Variants in IQCK observed in about 807,000 individuals in gnomAD.
The protein encoded by IQCK is IQ domain-containing protein K.
IQCK carries 29 observed loss-of-function variants against 28.1 expected under a neutral mutation model. That is an observed-to-expected ratio of 1.03 (90% CI 0.77 to 1.41). IQCK has a LOEUF of 1.41. IQCK is among the 40% of genes most tolerant of loss of function. The pLI is 0.00. For missense variants in IQCK, 359 were observed against 314.7 expected, an observed-to-expected ratio of 1.14 and a Z score of -1.07; for synonymous variants, 113 against 115.1, an observed-to-expected ratio of 0.98 and a Z score of 0.12.
At chr16:19,805,538 G>A (rs1350770928) in intron 7 of IQCK, among the ~76,000 whole-genome samples, 1 of 152,138 alleles carries the variant, frequency 6.6e-6, no homozygotes, top group African/African-American at 2.4e-5. Context: ...ATTCTTTCAG[G>A]AGACTGTAAA....
intron 3 of IQCK, among the ~76,000 whole-genome samples, chr16:19,735,013 A>G (rs1977966831): frequency 6.6e-6 from 1 of 151,864 alleles, no homozygotes. Flanking sequence ...TCTGACTCCC[A>G]ATTCCTCTCT....
intron 6 of IQCK, among the ~76,000 whole-genome samples, chr16:19,785,155 G>A (rs558866590): frequency 2.0e-5 from 3 of 152,326 alleles, no homozygotes; most frequent in African/African-American, 7.2e-5. Flanking sequence ...GCCCCAAGGT[G>A]CATTTGAGCA....
downstream of IQCK, among the ~76,000 whole-genome samples, chr16:19,828,231 C>CTTTTTTTTTTT (rs749049124): frequency 1.9e-5 from 2 of 107,252 alleles, no homozygotes; most frequent in Non-Finnish European, 3.7e-5. Flanking sequence ...TCTTTCTTTT[C>CTTTTTTTTTTT]TTTTTTTTTT....
chr16:19,802,924 A>AAAC (rs1249258792), intron 7 of IQCK, among the ~76,000 whole-genome samples: 1 of 152,196 alleles, frequency 6.6e-6, no homozygotes, highest in African/African-American at 2.4e-5. Flanking sequence ...GCTGAGGAAT[A>AAAC]AACACATACG....
chr16:19,774,706 G>A (rs1003435468), intron 6 of IQCK, among the ~76,000 whole-genome samples: 1 of 152,106 alleles, frequency 6.6e-6, no homozygotes, highest in African/African-American at 2.4e-5. Context: ...TAAAATTATG[G>A]GGCAGGTATA....
downstream of IQCK, among the ~76,000 whole-genome samples, chr16:19,829,034 G>A (rs994503157): frequency 7.2e-6 from 1 of 138,328 alleles, no homozygotes; most frequent in Non-Finnish European, 1.5e-5. Context: ...TGGAAACACA[G>A]AGATGCTAAA....
chr16:19,768,004 GT>G (rs1322646377), intron 6 of IQCK, among the ~76,000 whole-genome samples: 2 of 136,732 alleles, frequency 1.5e-5, no homozygotes, highest in African/African-American at 2.7e-5. Context: ...CCTGAACATT[GT>G]TTTTTTTTGC....
intron 2 of IQCK, among the ~76,000 whole-genome samples, chr16:19,731,218 G>A (rs1359644786): frequency 6.6e-6 from 1 of 152,220 alleles, no homozygotes; most frequent in Non-Finnish European, 1.5e-5. Context: ...GCTAAGGAGA[G>A]AGGGCTAAGG....
At chr16:19,763,331 C>T (rs998707061) in intron 4 of IQCK, among the ~76,000 whole-genome samples, 1 of 152,102 alleles carries the variant, frequency 6.6e-6, no homozygotes, top group Non-Finnish European at 1.5e-5. Context: ...TCCTCCTCAT[C>T]TTCAGGTTTA....
At chr16:19,780,969 G>A (rs573610994) in intron 6 of IQCK, among the ~76,000 whole-genome samples, 1 of 152,208 alleles carries the variant, frequency 6.6e-6, no homozygotes, top group South Asian at 2.1e-4. Context: ...ATTGTGAGAA[G>A]GAATCCAAAC....
At chr16:19,773,651 A>G (rs1232499293) in intron 6 of IQCK, among the ~76,000 whole-genome samples, 1 of 152,198 alleles carries the variant, frequency 6.6e-6, no homozygotes, top group African/African-American at 2.4e-5. Context: ...ATATGAATGA[A>G]TGGGTGTGGC....
rs1009367979 is a variant in IQCK, at chr16:19,760,316, C to T, written c.475-3532C>T. 2.0e-5 allele frequency among the ~76,000 whole-genome samples: 3 copies of T among 152,136 alleles called. No homozygotes were observed. The South Asian group carries it at 6.2e-4, about 32-fold the overall frequency. On this transcript the variant is annotated intron_variant, in intron 4 of 7. Coordinates refer to ENST00000564186, the Ensembl canonical transcript of IQCK. ...AAGTGCAAAAGAGAATATATTGGTT[C>T]TTATACCTGAAAGGTCCAGGGAATT...
At chr16:19,835,459 G>GT (rs1177967125) in intron 9 of IQCK, among the ~76,000 whole-genome samples, 3 of 152,040 alleles carry the variant, frequency 2.0e-5, no homozygotes, top group Non-Finnish European at 4.4e-5. Context: ...TGATAGCGCT[G>GT]TACCATACTT....
At chr16:19,819,903 G>A (rs2056044428) in intron 7 of IQCK, among the ~76,000 whole-genome samples, 1 of 151,862 alleles carries the variant, frequency 6.6e-6, no homozygotes, top group Admixed American at 6.6e-5. Flanking sequence ...CATGCATTGT[G>A]GGAAAAGAAT....
At chr16:19,811,842 G>A (rs2055909709) in intron 7 of IQCK, among the ~76,000 whole-genome samples, 1 of 152,052 alleles carries the variant, frequency 6.6e-6, no homozygotes, top group Non-Finnish European at 1.5e-5. Context: ...AATCACCTAG[G>A]TTTCTTCCTG....
exon 10 of IQCK, chr16:19,856,868 G>C (rs969032871): frequency 1.2e-5 from 3 of 257,390 alleles, no homozygotes; most frequent in African/African-American, 6.8e-5. Flanking sequence ...AAGGAATACA[G>C]AAGTGCTCTT....
intron 6 of IQCK, among the ~76,000 whole-genome samples, chr16:19,770,157 G>C (rs1012972848): frequency 6.6e-6 from 1 of 152,166 alleles, no homozygotes; most frequent in Admixed American, 6.6e-5. Context: ...TGAATGTATG[G>C]ATTAAGTCAA....
At chr16:19,841,837 T>C (rs2056365176) in intron 9 of IQCK, among the ~76,000 whole-genome samples, 1 of 147,920 alleles carries the variant, frequency 6.8e-6, no homozygotes, top group Admixed American at 7.0e-5. Context: ...TGTCTACCAT[T>C]GTAAGCCATC....
At chr16:19,745,537 C>A (rs1417553189) in intron 4 of IQCK, among the ~76,000 whole-genome samples, 1 of 152,130 alleles carries the variant, frequency 6.6e-6, no homozygotes, top group Non-Finnish European at 1.5e-5. Context: ...GTGACTCAAC[C>A]CTACTGGGCC....
Sources: allele counts gnomAD v4.1 joint callset (sites outside exome capture counted in the v4.1 genomes callset), GRCh38; gene constraint gnomAD v4.1.1; transcripts MANE v1.5; gene names NCBI Gene and HGNC (gene_info 2026-07-23, HGNC 2026-07-21).